Variants in TAFA1 observed in about 807,000 individuals in gnomAD.
TAFA1 encodes TAFA chemokine like family member 1, also known as chemokine-like protein TAFA-1.
TAFA1 carries 4 observed loss-of-function variants against 18.5 expected under a neutral mutation model. The ratio of observed to expected loss-of-function variants is 0.22; its 90% CI spans 0.11 to 0.49. The LOEUF is 0.49. Among genes scored for constraint, TAFA1 ranks in the 20% least tolerant of loss-of-function variants. The probability of loss-of-function intolerance (pLI) is 0.98; values close to 1 mark genes in which losing one functional copy is unlikely to be tolerated. For synonymous variants in TAFA1, 56 were observed against 55.2 expected, an observed-to-expected ratio of 1.01 and a Z score of -0.06; for missense variants, 147 against 169.0, an observed-to-expected ratio of 0.87 and a Z score of 0.72.
At chr3:68,175,106 G>T (rs754977176) in intron 2 of TAFA1, among the ~76,000 whole-genome samples, 1 of 152,252 alleles carries the variant, frequency 6.6e-6, no homozygotes, top group African/African-American at 2.4e-5. Context: ...AAGAATGAAG[G>T]TTTGGGAACC....
intron 2 of TAFA1, among the ~76,000 whole-genome samples, chr3:68,396,776 T>C (rs911196306): frequency 2.0e-5 from 3 of 152,222 alleles, no homozygotes; most frequent in Non-Finnish European, 4.4e-5. Flanking sequence ...AAACCTTCCA[T>C]AAAAGTTTAA....
chr3:68,413,110 C>G (rs2070746122), intron 2 of TAFA1, among the ~76,000 whole-genome samples: 1 of 152,116 alleles, frequency 6.6e-6, no homozygotes, highest in Non-Finnish European at 1.5e-5. Flanking sequence ...TTTTGATTTG[C>G]ATTTCTCTGA....
intron 2 of TAFA1, among the ~76,000 whole-genome samples, chr3:68,300,147 A>G (rs1468293981): frequency 1.3e-5 from 2 of 152,198 alleles, no homozygotes; most frequent in Non-Finnish European, 2.9e-5. Context: ...GGAAAGTCAT[A>G]GGTACTCAAT....
intron 2 of TAFA1, among the ~76,000 whole-genome samples, chr3:68,096,419 A>C (rs1453045962): frequency 6.6e-6 from 1 of 152,126 alleles, no homozygotes; most frequent in South Asian, 2.1e-4. Flanking sequence ...GAATGTTCTC[A>C]TTTTACAGAT....
chr3:68,279,136 C>T (rs1042693985), intron 2 of TAFA1, among the ~76,000 whole-genome samples: 1 of 152,128 alleles, frequency 6.6e-6, no homozygotes, highest in Admixed American at 6.6e-5. Flanking sequence ...GAACCAAGGC[C>T]TTCCTTGACC....
chr3:68,197,534 G>A (rs2066425900), intron 2 of TAFA1, among the ~76,000 whole-genome samples: 1 of 151,566 alleles, frequency 6.6e-6, no homozygotes, highest in Non-Finnish European at 1.5e-5. Flanking sequence ...CTCCATATCA[G>A]TGGCAACATC....
intron 2 of TAFA1, among the ~76,000 whole-genome samples, chr3:68,416,416 A>G (rs937396152): frequency 6.6e-6 from 1 of 152,184 alleles, no homozygotes; most frequent in Non-Finnish European, 1.5e-5. Flanking sequence ...AGAATCCTAA[A>G]TGGTCTGGGT....
intron 2 of TAFA1, among the ~76,000 whole-genome samples, chr3:68,118,883 T>C (rs2065354443): frequency 8.6e-6 from 1 of 115,726 alleles, no homozygotes; most frequent in African/African-American, 3.0e-5. Flanking sequence ...CTTTTTGGTA[T>C]ATACACAGAA....
At chr3:68,002,412 T>G (rs910280687), upstream of TAFA1, among the ~76,000 whole-genome samples, 1 of 152,216 alleles carries the variant, frequency 6.6e-6, no homozygotes, top group Non-Finnish European at 1.5e-5. Flanking sequence ...TCTTGACCCT[T>G]ATTTTAATCT....
chr3:68,378,478 T>C (rs2069864532), intron 2 of TAFA1, among the ~76,000 whole-genome samples: 1 of 152,176 alleles, frequency 6.6e-6, no homozygotes, highest in South Asian at 2.1e-4. Context: ...CTTTTGATTT[T>C]TTAGGCTCAT....
upstream of TAFA1, among the ~76,000 whole-genome samples, chr3:68,003,010 A>G (rs868765053): frequency 2.6e-5 from 4 of 152,238 alleles, no homozygotes; most frequent in Non-Finnish European, 5.9e-5. Flanking sequence ...CTTTCTGTAC[A>G]CACTCATGAA....
rs201516585 is a variant in TAFA1, at chr3:68,255,854, G to T, written c.119-161426G>T. On this transcript the variant is annotated intron_variant, in intron 2 of 4. Coordinates refer to ENST00000478136, the MANE Select transcript of TAFA1 (RefSeq NM_213609.4). ...ATTTCTCTGGCTAACAGGCAGTTAA[G>T]TCTGTAATACACTGATATTTCAGTG... Among the ~76,000 whole-genome samples, 840 of 152,182 alleles carry T rather than the reference G, an allele frequency of 5.5e-3. 35 individuals are homozygous for T. The East Asian group carries it at 0.11, about 20-fold the overall frequency.
chr3:68,319,010 C>T (rs1382155368), intron 2 of TAFA1, among the ~76,000 whole-genome samples: 1 of 152,136 alleles, frequency 6.6e-6, no homozygotes, highest in African/African-American at 2.4e-5. Flanking sequence ...GATTCTTTCT[C>T]TTTCTCCTCT....
intron 2 of TAFA1, among the ~76,000 whole-genome samples, chr3:68,229,885 C>T (rs1173760166): frequency 6.6e-6 from 1 of 152,150 alleles, no homozygotes; most frequent in Non-Finnish European, 1.5e-5. Context: ...CCGTTTATGA[C>T]AAGTAAATGT....
chr3:68,156,420 T>C (rs1264916421), intron 2 of TAFA1, among the ~76,000 whole-genome samples: 2 of 152,162 alleles, frequency 1.3e-5, no homozygotes, highest in African/African-American at 2.4e-5. Flanking sequence ...TGCTTGGTTG[T>C]TTTATTTTCT....
intron 2 of TAFA1, among the ~76,000 whole-genome samples, chr3:68,227,646 T>C (rs772936945): frequency 1.7e-4 from 26 of 152,194 alleles, no homozygotes; most frequent in Non-Finnish European, 3.4e-4. Flanking sequence ...GAATAGAAGA[T>C]GGAAAATATA....
intron 3 of TAFA1, among the ~76,000 whole-genome samples, chr3:68,520,331 C>CAATA (rs942968514): frequency 4.6e-5 from 7 of 152,202 alleles, no homozygotes; most frequent in African/African-American, 1.7e-4. Context: ...TTTAAAAGAA[C>CAATA]AATAAATAAA....
chr3:68,235,163 C>A (rs777796247), intron 2 of TAFA1, among the ~76,000 whole-genome samples: 11 of 152,150 alleles, frequency 7.2e-5, no homozygotes, highest in African/African-American at 1.4e-4. Context: ...CATATGGCAA[C>A]TTTGTGGAGA....
intron 2 of TAFA1, among the ~76,000 whole-genome samples, chr3:68,256,598 T>G (rs2067302264): frequency 6.6e-6 from 1 of 152,174 alleles, no homozygotes; most frequent in Non-Finnish European, 1.5e-5. Context: ...TTTTGGGGTT[T>G]CTTAAATTCA....
Sources: allele counts gnomAD v4.1 joint callset (sites outside exome capture counted in the v4.1 genomes callset), GRCh38; gene constraint gnomAD v4.1.1; transcripts MANE v1.5; gene names NCBI Gene and HGNC (gene_info 2026-07-23, HGNC 2026-07-21).